The following ENTREP2 variants were observed in gnomAD, a reference collection of about 807,000 sequenced individuals.
ENTREP2 encodes endosomal transmembrane epsin interactor 2.
chr15:29,619,151 G>A, the ENTREP2 span, among the ~76,000 whole-genome samples: 2 of 152,210 alleles, frequency 1.3e-5, no homozygotes, highest in Non-Finnish European at 2.9e-5. Context: ...CCAGCACTTT[G>A]GAAGGCCAAG....
the ENTREP2 span, among the ~76,000 whole-genome samples, chr15:29,641,434 A>G: frequency 6.6e-6 from 1 of 152,242 alleles, no homozygotes; most frequent in Non-Finnish European, 1.5e-5. Context: ...AAAAAAATTA[A>G]TATTAGAACT....
At chr15:29,511,331 T>C in the ENTREP2 span, among the ~76,000 whole-genome samples, 2 of 121,486 alleles carry the variant, frequency 1.6e-5, no homozygotes, top group South Asian at 5.4e-4. Context: ...CTTTTCTTCT[T>C]CTTTTTTCTT....
chr15:29,603,039 A>G, the ENTREP2 span, among the ~76,000 whole-genome samples: 1 of 152,330 alleles, frequency 6.6e-6, no homozygotes, highest in Non-Finnish European at 1.5e-5. Context: ...AGATGGCCCA[A>G]TGACGAAAGG....
At chr15:29,586,657 G>A in the ENTREP2 span, among the ~76,000 whole-genome samples, 3 of 151,618 alleles carry the variant, frequency 2.0e-5, no homozygotes, top group Non-Finnish European at 4.4e-5. Flanking sequence ...GCTGAGACAC[G>A]AGAATCACTT....
At chr15:29,123,517 A>G in the ENTREP2 span, 7 of 1,551,714 alleles carry the variant, frequency 4.5e-6, no homozygotes, top group Non-Finnish European at 6.1e-6. Flanking sequence ...CTTGCTGTCC[A>G]CTAAAGAGCG....
the ENTREP2 span, among the ~76,000 whole-genome samples, chr15:29,638,066 G>A: frequency 1.3e-5 from 2 of 152,348 alleles, no homozygotes; most frequent in South Asian, 4.1e-4. Context: ...GACCTTCAGA[G>A]GGTAATGGCT....
the ENTREP2 span, among the ~76,000 whole-genome samples, chr15:29,556,832 C>A: frequency 6.6e-6 from 1 of 150,474 alleles, no homozygotes; most frequent in South Asian, 2.1e-4. Context: ...ACTCCAACTC[C>A]GGCTCTCATC....
the ENTREP2 span, among the ~76,000 whole-genome samples, chr15:29,576,568 A>G: frequency 1.4e-3 from 209 of 152,378 alleles, 1 homozygote; most frequent in African/African-American, 4.5e-3. Context: ...TATGCAAAGC[A>G]TTTATCTTGA....
the ENTREP2 span, among the ~76,000 whole-genome samples, chr15:29,361,136 C>T: frequency 2.0e-5 from 3 of 152,172 alleles, no homozygotes; most frequent in Non-Finnish European, 4.4e-5. Context: ...TCCACCCATC[C>T]AATAATATTT....
At chr15:29,664,768 G>C in the ENTREP2 span, among the ~76,000 whole-genome samples, 169 of 152,236 alleles carry the variant, frequency 1.1e-3, 5 homozygotes, top group East Asian at 0.03. Context: ...TTTGTCTTTT[G>C]ATACTTATCT....
At chr15:29,273,430 T>C in the ENTREP2 span, among the ~76,000 whole-genome samples, 1 of 152,090 alleles carries the variant, frequency 6.6e-6, no homozygotes, top group African/African-American at 2.4e-5. Context: ...ACTCCTGACC[T>C]CAAGTGATCC....
At chr15:29,195,542 T>C in the ENTREP2 span, among the ~76,000 whole-genome samples, 1 of 152,156 alleles carries the variant, frequency 6.6e-6, no homozygotes, top group Non-Finnish European at 1.5e-5. Flanking sequence ...TTTTTTTCTT[T>C]TGAGATGAAG....
chr15:29,307,203 CA>C, the ENTREP2 span, among the ~76,000 whole-genome samples: 6 of 150,776 alleles, frequency 4.0e-5, no homozygotes, highest in Non-Finnish European at 7.4e-5. Flanking sequence ...TCCTTTTATA[CA>C]AAAAAAATTG....
the ENTREP2 span, among the ~76,000 whole-genome samples, chr15:29,378,679 C>T: frequency 1.3e-5 from 2 of 152,196 alleles, no homozygotes; most frequent in Non-Finnish European, 1.5e-5. Context: ...TGCAGACTTT[C>T]GAATTGCCCG....
chr15:29,125,115 C>T, the ENTREP2 span, among the ~76,000 whole-genome samples: 58 of 152,280 alleles, frequency 3.8e-4, no homozygotes, highest in African/African-American at 1.3e-3. Context: ...GGGACAGAGG[C>T]GTCAGGCGGG....
At chr15:29,669,263 C>T in the ENTREP2 span, among the ~76,000 whole-genome samples, 74 of 152,200 alleles carry the variant, frequency 4.9e-4, no homozygotes, top group African/African-American at 1.7e-3. Flanking sequence ...GGGGGCTCTG[C>T]CTTTGTGAAT....
chr15:29,625,825 T>A, the ENTREP2 span, among the ~76,000 whole-genome samples: 2 of 152,170 alleles, frequency 1.3e-5, no homozygotes, highest in East Asian at 3.9e-4. Flanking sequence ...CCTATTTTTA[T>A]ATTTTAGCTA....
chr15:29,146,494 C>T, the ENTREP2 span, among the ~76,000 whole-genome samples: 34 of 152,280 alleles, frequency 2.2e-4, no homozygotes, highest in South Asian at 5.8e-3. Context: ...GAAATAAACA[C>T]GTATATCTAT....
chr15:29,342,762 G>A, the ENTREP2 span, among the ~76,000 whole-genome samples: 1 of 152,042 alleles, frequency 6.6e-6, no homozygotes, highest in Non-Finnish European at 1.5e-5. Context: ...ATGTGATTAG[G>A]CCATTTCTGT....
Sources: gnomAD v4.1 joint callset for allele counts (sites outside exome capture counted in the v4.1 genomes callset) on GRCh38, gnomAD v4.1.1 for gene constraint, MANE v1.5 for transcripts, NCBI Gene and HGNC (gene_info 2026-07-23, HGNC 2026-07-21) for gene names.